Variants in FAM53B observed in about 807,000 individuals in gnomAD.
The protein encoded by FAM53B is family with sequence similarity 53 member B.
In FAM53B, 12 loss-of-function variants were observed where a neutral mutation model predicts 32.7. The ratio of observed to expected loss-of-function variants is 0.37; its 90% CI spans 0.24 to 0.59. The LOEUF is 0.59. FAM53B is among the 20% of genes least tolerant of loss of function. The pLI is 0.72. For synonymous variants in FAM53B, 234 were observed against 228.7 expected (o/e 1.02, Z -0.21); for missense variants, 477 against 577.7 (o/e 0.83, Z 1.79).
rs562965442 is a variant in FAM53B at position 124,720,937 on chromosome 10, C to G, written c.-174-14050G>C. ...AATCTGGGCCGGGTGCGGTGGCTCA[C>G]ACCTGTCATCCCAGCACTTTGGGAG... On this transcript the variant is annotated intron_variant, in intron 1 of 4. Transcript: ENST00000337318. Among the ~76,000 whole-genome samples, 9 of 152,350 alleles carry G rather than the reference C, an allele frequency of 5.9e-5. No homozygotes were observed. In the East Asian group the frequency reaches 1.7e-3, roughly 29 times the overall value.
chr10:124,640,438 T>C (rs1949463215), intron 4 of FAM53B, among the ~76,000 whole-genome samples: 3 of 152,178 alleles, frequency 2.0e-5, no homozygotes, highest in Non-Finnish European at 4.4e-5. Flanking sequence ...GTGCAGGGCT[T>C]GGAGCCACCC....
At chr10:124,632,933 G>A (rs1949400983) in intron 4 of FAM53B, among the ~76,000 whole-genome samples, 1 of 152,190 alleles carries the variant, frequency 6.6e-6, no homozygotes, top group Admixed American at 6.5e-5. Flanking sequence ...AGGGAACTTG[G>A]CAAATCATTA....
intron 1 of FAM53B, among the ~76,000 whole-genome samples, chr10:124,720,233 G>T (rs916602369): frequency 4.6e-5 from 7 of 151,236 alleles, no homozygotes; most frequent in African/African-American, 1.5e-4. Flanking sequence ...CAAGGGAGGT[G>T]GCATAGATAT....
chr10:124,650,218 G>C (rs1228465386), intron 4 of FAM53B, among the ~76,000 whole-genome samples: 3 of 152,174 alleles, frequency 2.0e-5, no homozygotes, highest in Non-Finnish European at 4.4e-5. Context: ...CACTAAGGAG[G>C]CAGACCTCTC....
intron 2 of FAM53B, among the ~76,000 whole-genome samples, chr10:124,699,484 TA>T (rs1949899317): frequency 6.6e-6 from 1 of 152,222 alleles, no homozygotes; most frequent in South Asian, 2.1e-4. Context: ...ACACTCTACC[TA>T]AGGGTTCCCA....
chr10:124,656,780 G>C (rs1208578556), intron 4 of FAM53B, among the ~76,000 whole-genome samples: 5 of 151,918 alleles, frequency 3.3e-5, no homozygotes, highest in South Asian at 4.1e-4. Flanking sequence ...CTTTGAAACT[G>C]AACAGCCTAA....
intron 1 of FAM53B, among the ~76,000 whole-genome samples, chr10:124,723,252 T>C (rs980486514): frequency 6.6e-6 from 1 of 152,192 alleles, no homozygotes; most frequent in Non-Finnish European, 1.5e-5. Flanking sequence ...GCTCAGGAAA[T>C]GTCTGCTGAA....
chr10:124,734,601 G>A (rs1337798083), intron 1 of FAM53B, among the ~76,000 whole-genome samples: 1 of 152,174 alleles, frequency 6.6e-6, no homozygotes, highest in Non-Finnish European at 1.5e-5. Flanking sequence ...CACCTTGGTG[G>A]GTCCTCTGGA....
chr10:124,626,515 T>C (rs1949356976), intron 4 of FAM53B, among the ~76,000 whole-genome samples: 1 of 151,636 alleles, frequency 6.6e-6, no homozygotes, highest in African/African-American at 2.4e-5. Context: ...CAGGTGCCTC[T>C]CCAGCCAGAC....
chr10:124,624,520 G>A (rs1949332719), intron 4 of FAM53B, among the ~76,000 whole-genome samples: 1 of 152,204 alleles, frequency 6.6e-6, no homozygotes, highest in Non-Finnish European at 1.5e-5. Context: ...GGCCCTTTGA[G>A]GCCCCAGAGA....
intron 2 of FAM53B, among the ~76,000 whole-genome samples, chr10:124,699,563 G>A (rs977154847): frequency 6.6e-6 from 1 of 152,194 alleles, no homozygotes; most frequent in African/African-American, 2.4e-5. Context: ...TCCCCACCCC[G>A]GGCAAGCCAC....
chr10:124,695,552 T>C (rs1342000763), intron 3 of FAM53B, among the ~76,000 whole-genome samples: 1 of 152,168 alleles, frequency 6.6e-6, no homozygotes, highest in Non-Finnish European at 1.5e-5. Flanking sequence ...GGCACTTACC[T>C]AGCCACTGTT....
At chr10:124,690,358 A>C (rs1425937276) in intron 3 of FAM53B, among the ~76,000 whole-genome samples, 1 of 152,204 alleles carries the variant, frequency 6.6e-6, no homozygotes, top group Non-Finnish European at 1.5e-5. Flanking sequence ...ATGGACACAC[A>C]TCCAGCAAAT....
At chr10:124,737,010 C>A (rs1950177211) in intron 1 of FAM53B, among the ~76,000 whole-genome samples, 3 of 152,202 alleles carry the variant, frequency 2.0e-5, no homozygotes, top group Admixed American at 2.0e-4. Flanking sequence ...AGTTCAAATC[C>A]CAACCTGGGG....
chr10:124,701,883 G>A (rs186569649), intron 2 of FAM53B, among the ~76,000 whole-genome samples: 123 of 152,332 alleles, frequency 8.1e-4, no homozygotes, highest in Admixed American at 2.7e-3. Flanking sequence ...TTCTTTGAGG[G>A]AAAGACAGTT....
chr10:124,719,996 C>T (rs1462872654), intron 1 of FAM53B, among the ~76,000 whole-genome samples: 1 of 152,136 alleles, frequency 6.6e-6, no homozygotes, highest in African/African-American at 2.4e-5. Context: ...AACCCTGTCT[C>T]TACTAAAAAT....
rs58992450 is a variant in FAM53B at position 124,657,060 on chromosome 10, GTATATATA to G, written c.906+24539_906+24546del. On this transcript the variant is annotated intron_variant, in intron 4 of 4. Coordinates refer to ENST00000337318, the MANE Select transcript of FAM53B (RefSeq NM_014661.4). ...TAAATATATATATATATGTATATAT[GTATATATA>G]TATGTATATATATGTGTGTGTATAT... Among the ~76,000 whole-genome samples the G allele has an allele frequency of 1.7e-3, 130 of 77,352 alleles. 2 individuals carry two copies. In the East Asian group the frequency reaches 0.046, roughly 27 times the overall value. The allele number at this position is 77,352 out of a possible 152,430, so 50.7% of individuals were successfully genotyped here.
intron 4 of FAM53B, among the ~76,000 whole-genome samples, chr10:124,626,425 G>A (rs1949356151): frequency 1.3e-5 from 2 of 150,164 alleles, no homozygotes; most frequent in Non-Finnish European, 3.0e-5. Flanking sequence ...TGCAAAAGGT[G>A]GGGCCTCTGG....
intron 3 of FAM53B, among the ~76,000 whole-genome samples, chr10:124,686,768 T>C (rs1314431160): frequency 1.3e-5 from 2 of 152,208 alleles, no homozygotes; most frequent in Non-Finnish European, 2.9e-5. Context: ...AAACTGCAGA[T>C]AAAAGCTACA....
Sources: allele counts gnomAD v4.1 joint callset (sites outside exome capture counted in the v4.1 genomes callset), GRCh38; gene constraint gnomAD v4.1.1; transcripts MANE v1.5; gene names NCBI Gene and HGNC (gene_info 2026-07-23, HGNC 2026-07-21).